The following FOXP2 variants were observed in gnomAD, a reference collection of about 807,000 sequenced individuals.
FOXP2 encodes the protein forkhead box P2.
In FOXP2, 12 loss-of-function variants were observed where a neutral mutation model predicts 115.8. The observed-to-expected ratio is 0.10, with a 90% CI of 0.07 to 0.17. The LOEUF (loss-of-function observed/expected upper bound fraction) is 0.17. Among genes scored for constraint, FOXP2 ranks in the 10% least tolerant of loss-of-function variants. The pLI is 1.00. For synonymous variants in FOXP2, 328 were observed against 297.7 expected, an observed-to-expected ratio of 1.10 and a Z score of -1.05; for missense variants, 629 against 843.5, an observed-to-expected ratio of 0.75 and a Z score of 3.15.
chr7:114,436,001 C>A (rs1251869108), intron 2 of FOXP2, among the ~76,000 whole-genome samples: 1 of 151,994 alleles, frequency 6.6e-6, no homozygotes, highest in Non-Finnish European at 1.5e-5. Context: ...ATTCAAGGTG[C>A]AAACTCAATA....
intron 1 of FOXP2, among the ~76,000 whole-genome samples, chr7:114,146,584 G>T (rs996969869): frequency 6.6e-6 from 1 of 152,148 alleles, no homozygotes; most frequent in East Asian, 1.9e-4. Context: ...TTCATCAGAA[G>T]AATTTTATTT....
chr7:114,481,800 CTA>C (rs1554402628), intron 2 of FOXP2, among the ~76,000 whole-genome samples: 1 of 150,044 alleles, frequency 6.7e-6, no homozygotes, highest in East Asian at 1.9e-4. Context: ...ATCTATCTAT[CTA>C]TCTATCTATA....
At chr7:114,086,354 G>T, upstream of FOXP2, 1 of 406,752 alleles carries the variant, frequency 2.5e-6, no homozygotes, top group Admixed American at 2.8e-5. Context: ...GCCGGCGCGT[G>T]CAGCTCCGCG....
chr7:114,617,076 G>A (rs1010248276), intron 3 of FOXP2, among the ~76,000 whole-genome samples: 37 of 152,158 alleles, frequency 2.4e-4, no homozygotes, highest in African/African-American at 8.4e-4. Context: ...CAGAGCGTGC[G>A]ACTCTCTTTA....
At chr7:114,505,872 T>G (rs1191836916) in intron 2 of FOXP2, among the ~76,000 whole-genome samples, 4 of 151,676 alleles carry the variant, frequency 2.6e-5, no homozygotes, top group Non-Finnish European at 5.9e-5. Flanking sequence ...TGCTGTATAT[T>G]TCTATGCTGG....
chr7:114,364,250 G>C (rs996845579), intron 2 of FOXP2, among the ~76,000 whole-genome samples: 2 of 152,096 alleles, frequency 1.3e-5, no homozygotes, highest in African/African-American at 4.8e-5. Context: ...AGCTCACTTA[G>C]CTACCCATAT....
intron 1 of FOXP2, chr7:114,285,441 T>A (rs1302730835): frequency 3.3e-5 from 5 of 152,078 alleles, no homozygotes; most frequent in Non-Finnish European, 7.4e-5. Flanking sequence ...AATGGAGAAG[T>A]TTGTGGGAGA....
intron 1 of FOXP2, among the ~76,000 whole-genome samples, chr7:114,189,734 C>T (rs917684428): frequency 2.6e-5 from 4 of 152,094 alleles, no homozygotes; most frequent in Non-Finnish European, 5.9e-5. Flanking sequence ...TTTAAGAGAA[C>T]GTGACTGTTA....
intron 2 of FOXP2, among the ~76,000 whole-genome samples, chr7:114,316,891 A>G (rs1797292086): frequency 6.6e-6 from 1 of 152,140 alleles, no homozygotes; most frequent in Non-Finnish European, 1.5e-5. Context: ...TGAATGATAT[A>G]AACACGATTT....
At chr7:114,611,561 G>T (rs1231443020) in intron 3 of FOXP2, among the ~76,000 whole-genome samples, 1 of 152,180 alleles carries the variant, frequency 6.6e-6, no homozygotes, top group Non-Finnish European at 1.5e-5. Context: ...AACTATAGAA[G>T]AATATAGTTA....
At chr7:114,442,767 G>A (rs952964248) in intron 2 of FOXP2, among the ~76,000 whole-genome samples, 2 of 152,082 alleles carry the variant, frequency 1.3e-5, no homozygotes, top group Non-Finnish European at 2.9e-5. Flanking sequence ...CAGCCAAAGC[G>A]GGTGAATTTT....
chr7:114,214,356 A>G (rs1213818479), intron 1 of FOXP2, among the ~76,000 whole-genome samples: 2 of 152,208 alleles, frequency 1.3e-5, no homozygotes, highest in African/African-American at 4.8e-5. Context: ...TTAAACAGCA[A>G]AAGTAGAATT....
At position 114,154,431 on chromosome 7, in the gene FOXP2, CA is replaced by C. The variant is rs1792608026; in HGVS notation, c.-246-8507del. Among the ~76,000 whole-genome samples, 2 of 151,648 alleles carry C rather than the reference CA, an allele frequency of 1.3e-5. 1 individual carries two copies. The highest frequency in any genetic ancestry group is 1.3e-4 in the Admixed American group (2 of 15,218). ...AATCATCAACTACTCAGAAATTATT[CA>C]AAAAATAAGTGTAAGTACATCTCCT... On this transcript the variant is annotated intron_variant, in intron 1 of 19. Coordinates refer to the FOXP2 transcript ENST00000635638.
chr7:114,615,485 G>C (rs768067778), intron 3 of FOXP2, among the ~76,000 whole-genome samples: 6 of 152,088 alleles, frequency 3.9e-5, no homozygotes, highest in Non-Finnish European at 5.9e-5. Context: ...TCTTTGCTTA[G>C]ACTCATGGTT....
intron 5 of FOXP2, among the ~76,000 whole-genome samples, chr7:114,630,768 T>C (rs1469791167): frequency 6.6e-6 from 1 of 152,170 alleles, no homozygotes; most frequent in Non-Finnish European, 1.5e-5. Flanking sequence ...CTCCCGAGGC[T>C]TTGGGCAATC....
At chr7:114,514,680 A>T (rs116493346) in intron 2 of FOXP2, among the ~76,000 whole-genome samples, 1,743 of 150,666 alleles carry the variant, frequency 0.012, 29 homozygotes, top group African/African-American at 0.037. Context: ...TTTTACATTC[A>T]ATTTATTTAT....
chr7:114,371,277 G>A (rs1792000947), intron 2 of FOXP2, among the ~76,000 whole-genome samples: 1 of 144,774 alleles, frequency 6.9e-6, no homozygotes, highest in African/African-American at 2.5e-5. Flanking sequence ...GTAGCAATAA[G>A]GTTTTGCCAT....
At chr7:114,442,772 A>AC (rs1439785838) in intron 2 of FOXP2, among the ~76,000 whole-genome samples, 1 of 152,090 alleles carries the variant, frequency 6.6e-6, no homozygotes, top group Admixed American at 6.6e-5. Flanking sequence ...AAAGCGGGTG[A>AC]ATTTTATGGT....
At position 114,691,401 on chromosome 7, in the gene FOXP2, T is replaced by C; in HGVS notation, c.*1475T>C. 2 of 454,006 alleles carry C rather than the reference T, an allele frequency of 4.4e-6. No individual in the cohort carries two copies. The highest frequency in any genetic ancestry group is 3.1e-5 in the South Asian group (2 of 64,462). 28.1% of individuals were successfully genotyped at this position (454,006 alleles called of 1,614,324 possible). A position where few individuals can be genotyped will look rare whatever the true frequency, so the allele number is the denominator to read the frequency against. On this transcript the variant is annotated 3_prime_UTR_variant, in exon 17 of 17. Coordinates refer to ENST00000350908, the MANE Select transcript of FOXP2 (RefSeq NM_014491.4). Reference sequence around the variant, plus strand: ...ATTATAGCAATTGTAGTCCATGGTATTTATTTTCAGTCAAACCAAAGTTAC... The same window carrying C: ...ATTATAGCAATTGTAGTCCATGGTACTTATTTTCAGTCAAACCAAAGTTAC...
Sources: gnomAD v4.1 joint callset for allele counts (sites outside exome capture counted in the v4.1 genomes callset) on GRCh38, gnomAD v4.1.1 for gene constraint, MANE v1.5 for transcripts, NCBI Gene and HGNC (gene_info 2026-07-23, HGNC 2026-07-21) for gene names.